LPA: variants seen among roughly 807,000 people sequenced by gnomAD.
LPA encodes apolipoprotein(a).
A neutral mutation model predicts 197.9 loss-of-function variants in LPA; 199 were observed. That is an observed-to-expected ratio of 1.01 (90% CI 0.90 to 1.13). The LOEUF (loss-of-function observed/expected upper bound fraction) is 1.13. LPA is among the 50% of genes most tolerant of loss of function. The probability of loss-of-function intolerance (pLI) is 0.00; values close to 1 mark genes in which losing one functional copy is unlikely to be tolerated. For synonymous variants in LPA, 715 were observed against 639.5 expected, an observed-to-expected ratio of 1.12 and a Z score of -1.78; for missense variants, 1,853 against 1,785.8, an observed-to-expected ratio of 1.04 and a Z score of -0.68.
chr6:160,537,711 T>C lies in LPA; in HGVS notation c.5842+144A>G, dbSNP rs1777915535. On this transcript the variant is annotated intron_variant, in intron 37 of 38. Coordinates refer to ENST00000316300, the MANE Select transcript of LPA (RefSeq NM_005577.4). ...CCCTTGAAGACTGATTATGGAGACA[T>C]AGACAGGTGTCCAGGCAAAGTCAGG... is the stretch of plus-strand genomic sequence containing the variant. 4 of 744,294 alleles carry C rather than the reference T, an allele frequency of 5.4e-6. No individual in the cohort carries two copies. In the Admixed American group the frequency reaches 8.1e-5, roughly 15 times the overall value. 46.1% of individuals were successfully genotyped at this position (744,294 alleles called of 1,614,324 possible).
At chr6:160,549,942 G>T (rs1245781169) in intron 30 of LPA, among the ~76,000 whole-genome samples, 1 of 152,250 alleles carries the variant, frequency 6.6e-6, no homozygotes, top group African/African-American at 2.4e-5. Context: ...AGAGGCACAG[G>T]CTGGGTGCTT....
intron 10 of LPA, among the ~76,000 whole-genome samples, chr6:160,626,373 C>T (rs1668353253): frequency 8.1e-6 from 1 of 122,948 alleles, no homozygotes. Context: ...TTCACTGTTT[C>T]TTCAGGGGTG....
At position 160,611,436 on chromosome 6, in the gene LPA, G is replaced by A; in HGVS notation, c.2603+126C>T. ...CTTAGCTCCAAGGAAATCATCCTGA[G>A]ACATTTTGCTACACCATCTGAATCT... On this transcript the variant is annotated intron_variant, in intron 16 of 38. Coordinates refer to ENST00000316300, the MANE Select transcript of LPA (RefSeq NM_005577.4). 2.6e-6 allele frequency: 4 copies of A among 1,511,372 alleles called. No homozygotes were observed. In the African/African-American group the frequency reaches 4.1e-5, roughly 16 times the overall value. 93.6% of individuals were successfully genotyped at this position (1,511,372 alleles called of 1,614,324 possible).
At chr6:160,594,782 G>A (rs528157207) in intron 21 of LPA, among the ~76,000 whole-genome samples, 2 of 152,310 alleles carry the variant, frequency 1.3e-5, no homozygotes, top group South Asian at 4.1e-4. Context: ...AACACTGAGA[G>A]ATCCCTCCCA....
intron 28 of LPA, among the ~76,000 whole-genome samples, chr6:160,568,917 A>G (rs913356161): frequency 1.3e-5 from 2 of 152,338 alleles, no homozygotes; most frequent in Admixed American, 1.3e-4. Flanking sequence ...TAGGAATCCA[A>G]CTTACAAGGG....
chr6:160,586,593 C>T lies in LPA; in HGVS notation c.3985G>A (p.Glu1329Lys). 1 of 1,613,792 alleles carries T rather than the reference C, an allele frequency of 6.2e-7. No individual in the cohort carries two copies. The highest frequency in any genetic ancestry group is 8.5e-7 in the Non-Finnish European group (1 of 1,179,806). ...ATGGTATAACACCAAGGGCGAATCT[C>T]AGCATCTGGATTCCTGCAGTAGTTC... ...TRNYCRNPDA[E>K]IRPWCYTMDP... The change falls in exon 25 of 39, where the codon GAG (glutamate) becomes AAG (lysine). Residue 1329 changes from glutamate to lysine, a missense_variant. By Grantham distance (56) the Glu-to-Lys change is moderately conservative. Coordinates refer to ENST00000316300, the MANE Select transcript of LPA (RefSeq NM_005577.4).
chr6:160,611,361 C>T (rs772845970), intron 16 of LPA, among the ~76,000 whole-genome samples: 7 of 152,164 alleles, frequency 4.6e-5, no homozygotes, highest in East Asian at 1.9e-4. Flanking sequence ...TTCTGCTCCA[C>T]AAAACTAGGA....
intron 28 of LPA, among the ~76,000 whole-genome samples, chr6:160,558,272 GTC>G (rs956717278): frequency 6.6e-6 from 1 of 151,918 alleles, no homozygotes. Context: ...CATTCTCTGT[GTC>G]TCTCTCTAGG....
rs41265926 is a variant in LPA, at chr6:160,543,590, T to G, written c.5399-782A>C. On this transcript the variant is annotated intron_variant, in intron 33 of 38. Transcript: ENST00000316300. ...TTTTGAGAATCTATCTATAGAAGTC[T>G]TTTGTAAAAAAGAAGCATGGCATGG... 3.5e-3 allele frequency among the ~76,000 whole-genome samples: 531 copies of G among 152,290 alleles called. 2 individuals are homozygous for G. Among genetic ancestry groups the G allele is most frequent in the African/African-American group, 0.012 (510 of 41,566 alleles).
In LPA at chr6:160,586,708, G is replaced by A. The variant is rs1047068282; in HGVS notation, c.3948-78C>T. On this transcript the variant is annotated intron_variant, in intron 24 of 38. Coordinates refer to ENST00000316300, the MANE Select transcript of LPA (RefSeq NM_005577.4). ...CACCTGGCACCCTCTATGTTTTCTT[G>A]TAACAAAGTGTAAACAAGCAAATTT... The A allele has an allele frequency of 2.3e-5, 36 of 1,598,504 alleles. 1 individual carries two copies. The Admixed American group carries it at 5.9e-4, about 26-fold the overall frequency.
chr6:160,654,495 G>A (rs973416384), intron 1 of LPA, among the ~76,000 whole-genome samples: 2 of 151,968 alleles, frequency 1.3e-5, no homozygotes, highest in African/African-American at 4.8e-5. Context: ...CAAGTTGACA[G>A]TATTAACCAT....
chr6:160,663,936 A>G (rs531126332), intron 1 of LPA, among the ~76,000 whole-genome samples: 2 of 152,362 alleles, frequency 1.3e-5, no homozygotes, highest in African/African-American at 4.8e-5. Flanking sequence ...CTTTTAGATT[A>G]GAAAAATCAA....
intron 23 of LPA, among the ~76,000 whole-genome samples, chr6:160,590,367 C>G (rs1221125622): frequency 1.3e-5 from 2 of 152,162 alleles, no homozygotes; most frequent in African/African-American, 4.8e-5. Flanking sequence ...GGGGCAAGAA[C>G]ACTAAGAAAT....
chr6:160,602,873 G>T (rs903756489), intron 18 of LPA, among the ~76,000 whole-genome samples: 1 of 151,868 alleles, frequency 6.6e-6, no homozygotes, highest in African/African-American at 2.4e-5. Context: ...TTAGCAATTT[G>T]TATCACTGTT....
At chr6:160,600,842 T>A (rs1779224152) in intron 19 of LPA, 75 bp downstream of exon 19, 6 of 1,488,350 alleles carry the variant, frequency 4.0e-6, no homozygotes, top group Non-Finnish European at 5.6e-6. Flanking sequence ...CACTGAAGGG[T>A]TGTGCGTCAG....
chr6:160,578,449 A>C, intron 27 of LPA, 74 bp downstream of exon 27: 1 of 1,553,472 alleles, frequency 6.4e-7, no homozygotes, highest in Non-Finnish European at 8.9e-7. Context: ...TGTACCACTG[A>C]AGGCTTCTGC....
intron 1 of LPA, among the ~76,000 whole-genome samples, chr6:160,654,081 TTA>T (rs568120559): frequency 0.017 from 374 of 22,050 alleles, 19 homozygotes; most frequent in African/African-American, 0.069. Flanking sequence ...ATAATATATA[TTA>T]TATATATTAT....
At chr6:160,610,549 T>A (rs1779475339) in intron 16 of LPA, among the ~76,000 whole-genome samples, 1 of 152,178 alleles carries the variant, frequency 6.6e-6, no homozygotes, top group Non-Finnish European at 1.5e-5. Flanking sequence ...GTAAATGTTC[T>A]TTGCCACACT....
chr6:160,606,613 G>C lies in LPA; in HGVS notation c.2649C>G (p.Ala883=). ...TGGGATCCCTCGTATAACAATAAGGGGCTGCCACAGGATCTGGATTCCTGC... is the reference window on the plus strand; with the variant it reads ...TGGGATCCCTCGTATAACAATAAGGCGCTGCCACAGGATCTGGATTCCTGC... ...NYCRNPDPVA[A]PYCYTRDPSV... is the part of the protein sequence containing the mutation. Residue 883 remains alanine (A), a synonymous_variant, in exon 17 of 39, where the codon GCC becomes GCG. Coordinates refer to ENST00000316300, the MANE Select transcript of LPA (RefSeq NM_005577.4). The C allele has an allele frequency of 6.2e-7, 1 of 1,613,924 alleles. No homozygotes were observed. The highest frequency in any genetic ancestry group is 1.1e-5 in the South Asian group (1 of 91,062).
Sources: gnomAD v4.1 joint callset for allele counts (sites outside exome capture counted in the v4.1 genomes callset) on GRCh38, gnomAD v4.1.1 for gene constraint, MANE v1.5 for transcripts, NCBI Gene and HGNC (gene_info 2026-07-23, HGNC 2026-07-21) for gene names.